MMP16: variants seen among roughly 807,000 people sequenced by gnomAD.
MMP16 encodes matrix metallopeptidase 16.
In MMP16, 12 loss-of-function variants were observed where a neutral mutation model predicts 67.8. The ratio of observed to expected loss-of-function variants is 0.18; its 90% confidence interval spans 0.11 to 0.29. The LOEUF (loss-of-function observed/expected upper bound fraction) is 0.29. Ranked by LOEUF, MMP16 falls within the 10% of genes least tolerant of loss-of-function variation. The pLI is 1.00. For synonymous variants in MMP16, 249 were observed against 255.9 expected (o/e 0.97, Z 0.26); for missense variants, 475 against 765.7 (o/e 0.62, Z 4.48).
At chr8:88,240,773 T>G (rs757219884) in intron 1 of MMP16, among the ~76,000 whole-genome samples, 10 of 152,148 alleles carry the variant, frequency 6.6e-5, no homozygotes, top group Admixed American at 1.3e-4. Context: ...TAGTTCCACA[T>G]CTAGTATCTA....
intron 1 of MMP16, among the ~76,000 whole-genome samples, chr8:88,233,269 T>C (rs1301590442): frequency 6.6e-6 from 1 of 152,186 alleles, no homozygotes; most frequent in Non-Finnish European, 1.5e-5. Context: ...AGATAAATTA[T>C]TTGCATCTAA....
At chr8:88,068,114 G>A (rs983815760) in intron 7 of MMP16, among the ~76,000 whole-genome samples, 1 of 152,102 alleles carries the variant, frequency 6.6e-6, no homozygotes, top group Admixed American at 6.6e-5. Flanking sequence ...TCTATCAGGT[G>A]TGTAGTGGTA....
At chr8:88,132,951 T>C (rs1159497428) in intron 4 of MMP16, among the ~76,000 whole-genome samples, 2 of 151,894 alleles carry the variant, frequency 1.3e-5, no homozygotes, top group Admixed American at 1.3e-4. Flanking sequence ...GTTTTTCCTA[T>C]GAAGAAACTG....
At chr8:88,046,241 C>A (rs1342798796) in intron 9 of MMP16, among the ~76,000 whole-genome samples, 1 of 152,122 alleles carries the variant, frequency 6.6e-6, no homozygotes, top group Non-Finnish European at 1.5e-5. Context: ...CTGGACTCTT[C>A]CTCTAAGCTA....
chr8:88,327,154 G>A lies in MMP16; in HGVS notation c.53C>T (p.Ser18Leu). 6.2e-7 allele frequency: 1 copy of A among 1,614,034 alleles called. No homozygotes were observed. The highest frequency in any genetic ancestry group is 1.7e-5 in the Admixed American group (1 of 60,014). ...TGRRLDFVHH[S>L]GVFFLQTLLW... ...CAAGGTTTGCAAGAAAAACACCCCC[G>A]AATGATGCACGAAATCCAACCGTCT... The change falls in exon 1 of 10, where the codon TCG becomes TTG. Residue 18 changes from serine to leucine, a missense_variant. Ser to Leu is a moderately radical substitution (Grantham distance 145, BLOSUM62 -2). This residue lies in a region of MMP16 where 170 missense variants were observed against 239.6 expected (regional missense o/e 0.71). Coordinates refer to ENST00000286614, the MANE Select transcript of MMP16 (RefSeq NM_005941.5).
chr8:88,216,977 CTATTT>C (rs1283675380), intron 1 of MMP16, among the ~76,000 whole-genome samples: 2 of 151,934 alleles, frequency 1.3e-5, no homozygotes, highest in Non-Finnish European at 2.9e-5. Flanking sequence ...TCATGGCTTG[CTATTT>C]TATTAAGTGG....
At chr8:88,173,340 C>T (rs1808834965) in intron 3 of MMP16, among the ~76,000 whole-genome samples, 1 of 152,118 alleles carries the variant, frequency 6.6e-6, no homozygotes, top group Admixed American at 6.5e-5. Flanking sequence ...TTGTGAGCCA[C>T]CGGTCCCGGC....
intron 3 of MMP16, among the ~76,000 whole-genome samples, chr8:88,179,151 T>C (rs1808939325): frequency 6.6e-6 from 1 of 151,874 alleles, no homozygotes; most frequent in South Asian, 2.1e-4. Context: ...TACCTAAGCA[T>C]ATCATATTCA....
intron 1 of MMP16, among the ~76,000 whole-genome samples, chr8:88,210,374 G>T (rs887357629): frequency 3.9e-5 from 6 of 152,170 alleles, no homozygotes. Flanking sequence ...AACACAAACA[G>T]CTCCTGGCAC....
At chr8:88,247,487 T>G (rs1366440842) in intron 1 of MMP16, among the ~76,000 whole-genome samples, 2 of 152,048 alleles carry the variant, frequency 1.3e-5, no homozygotes, top group Non-Finnish European at 2.9e-5. Context: ...CAGCACTAGT[T>G]GTTCCTGTGC....
intron 4 of MMP16, among the ~76,000 whole-genome samples, chr8:88,148,894 C>T (rs1808342326): frequency 6.6e-6 from 1 of 152,202 alleles, no homozygotes; most frequent in African/African-American, 2.4e-5. Context: ...CGGTCTACAG[C>T]TCCCAGCGTG....
At chr8:88,110,394 T>A (rs1809313852) in intron 6 of MMP16, among the ~76,000 whole-genome samples, 1 of 151,610 alleles carries the variant, frequency 6.6e-6, no homozygotes, top group Non-Finnish European at 1.5e-5. Flanking sequence ...TAATTCCAGT[T>A]GCTCCCTAAA....
rs370925051 is a variant in MMP16 at position 88,144,052 on chromosome 8, A to G, written c.709+23617T>C. ...AATAAACTGTGCCAGTAAAATCACT[A>G]CCTCAAAACAAGCTCTAAATAAAAA... On this transcript the variant is annotated intron_variant, in intron 4 of 9. Coordinates refer to ENST00000286614, the MANE Select transcript of MMP16 (RefSeq NM_005941.5). Among the ~76,000 whole-genome samples, 9 of 152,078 alleles carry G rather than the reference A, an allele frequency of 5.9e-5. No individual in the cohort carries two copies. In the South Asian group the frequency reaches 1.0e-3, roughly 17 times the overall value.
chr8:88,268,388 A>G (rs1810511640), intron 1 of MMP16, among the ~76,000 whole-genome samples: 1 of 152,178 alleles, frequency 6.6e-6, no homozygotes, highest in African/African-American at 2.4e-5. Flanking sequence ...CAACAAAAAA[A>G]TTCATTCATT....
intron 1 of MMP16, among the ~76,000 whole-genome samples, chr8:88,314,640 G>T: frequency 6.6e-6 from 1 of 152,160 alleles, no homozygotes; most frequent in East Asian, 1.9e-4. Flanking sequence ...TCTCCCCTTT[G>T]CCCTAAGAAG....
intron 1 of MMP16, among the ~76,000 whole-genome samples, chr8:88,291,728 A>G (rs766447713): frequency 1.3e-5 from 2 of 152,262 alleles, no homozygotes; most frequent in African/African-American, 4.8e-5. Flanking sequence ...ATTTTGTAGA[A>G]TAACGATTAG....
chr8:88,311,641 C>A (rs562512675), intron 1 of MMP16, among the ~76,000 whole-genome samples: 1 of 152,046 alleles, frequency 6.6e-6, no homozygotes, highest in East Asian at 1.9e-4. Context: ...TTTAAAAATT[C>A]TCTTAGATTT....
At position 88,035,660 on chromosome 8, in the gene MMP16, A is replaced by G. The variant is rs1440988628; in HGVS notation, c.*5801T>C. On this transcript the variant is annotated 3_prime_UTR_variant, in exon 10 of 10. Transcript: ENST00000286614. This position sits in a 1 kb window ranked among gnomAD's most constrained non-coding sequence, Gnocchi z 4.7. ...TATAAATAAATAATATTGTTCTAATAAATGATGCATGTCACGTCCAGTTAT... is the reference window on the plus strand; with the variant it reads ...TATAAATAAATAATATTGTTCTAATGAATGATGCATGTCACGTCCAGTTAT... 2.6e-5 allele frequency: 4 copies of G among 152,012 alleles called. No homozygotes were observed. Among genetic ancestry groups the G allele is most frequent in the African/African-American group, 9.7e-5 (4 of 41,448 alleles). The allele number at this position is 152,012 out of a possible 1,614,324, so 9.4% of individuals were successfully genotyped here.
rs2118173574 is a variant in MMP16 at position 88,037,499 on chromosome 8, A to G, written c.*3962T>C. ...AGTAATTTATCACATCGATTCAGAA[A>G]AGCCTTGCCCTCTGATTTATAACAG... is the stretch of plus-strand genomic sequence containing the variant. On this transcript the variant is annotated 3_prime_UTR_variant, in exon 10 of 10. Transcript: ENST00000286614. The G allele has an allele frequency of 6.6e-6, 1 of 152,030 alleles. No individual in the cohort carries two copies. Among genetic ancestry groups the G allele is most frequent in the East Asian group, 1.9e-4 (1 of 5,174 alleles). The allele number at this position is 152,030 out of a possible 1,614,324, so 9.4% of individuals were successfully genotyped here.
Sources: gnomAD v4.1 joint callset for allele counts (sites outside exome capture counted in the v4.1 genomes callset) on GRCh38, gnomAD v4.1.1 for gene constraint, gnomAD v4.1.1 regional missense constraint, Gnocchi (gnomAD v3.1) non-coding constraint, MANE v1.5 for transcripts, NCBI Gene and HGNC (gene_info 2026-07-23, HGNC 2026-07-21) for gene names.